STC1: variants seen among roughly 807,000 people sequenced by gnomAD.
STC1 encodes the protein stanniocalcin-1.
In STC1, 7 loss-of-function variants were observed where a neutral mutation model predicts 22.6. That is an observed-to-expected ratio of 0.31 (90% CI 0.18 to 0.58). STC1 has a LOEUF of 0.58. STC1 is among the 20% of genes least tolerant of loss of function. The probability of loss-of-function intolerance (pLI) is 0.89; values close to 1 mark genes in which losing one functional copy is unlikely to be tolerated. For missense variants in STC1, 224 were observed against 311.0 expected (o/e 0.72, Z 2.10); for synonymous variants, 113 against 120.7 (o/e 0.94, Z 0.42).
In STC1 at chr8:23,854,719, C is replaced by G. The variant is rs879098062; in HGVS notation, c.-196G>C. The G allele has an allele frequency of 3.0e-6, 2 of 669,422 alleles. No individual in the cohort carries two copies. Among genetic ancestry groups the G allele is most frequent in the East Asian group, 2.8e-5 (1 of 35,306 alleles). 41.5% of individuals were successfully genotyped at this position (669,422 alleles called of 1,614,324 possible). A position where few individuals can be genotyped will look rare whatever the true frequency, so the allele number is the denominator to read the frequency against. The stretch of plus-strand genomic sequence containing the variant: ...ACCGGTGCCTCCGCTGCTGCTGCTG[C>G]TGCCGCCGCTGCTGCTGCTGCTGCC... On this transcript the variant is annotated 5_prime_UTR_variant, in exon 1 of 4. Coordinates refer to ENST00000290271, the MANE Select transcript of STC1 (RefSeq NM_003155.3).
intron 3 of STC1, among the ~76,000 whole-genome samples, chr8:23,845,568 G>A (rs931685291): frequency 5.3e-5 from 8 of 152,018 alleles, no homozygotes; most frequent in African/African-American, 1.7e-4. Flanking sequence ...GTGTGTGTGT[G>A]TGTGTATGCA....
chr8:23,845,207 T>C (rs553589142), intron 3 of STC1, among the ~76,000 whole-genome samples, 167 bp from the exon 4 acceptor site: 62 of 152,308 alleles, frequency 4.1e-4, no homozygotes, highest in African/African-American at 1.4e-3. Flanking sequence ...TTGTGCCATG[T>C]CACCCTAGTT....
rs560844298 is a variant in STC1, at chr8:23,842,579, G to A, written c.*2191C>T. 4.0e-5 allele frequency: 6 copies of A among 151,850 alleles called. No individual in the cohort carries two copies. The highest frequency in any genetic ancestry group is 1.5e-4 in the African/African-American group (6 of 41,310). The allele number at this position is 151,850 out of a possible 1,614,324, so 9.4% of individuals were successfully genotyped here. ...TAGGAATACTCATGAACTACTTGTCGCATTGGGGTCCTGGCTTAGTTGGGT... is the reference window on the plus strand; with the variant it reads ...TAGGAATACTCATGAACTACTTGTCACATTGGGGTCCTGGCTTAGTTGGGT... On this transcript the variant is annotated 3_prime_UTR_variant, in exon 4 of 4. Transcript: ENST00000290271.
chr8:23,848,096 G>A (rs928945010), intron 3 of STC1, among the ~76,000 whole-genome samples: 3 of 152,190 alleles, frequency 2.0e-5, no homozygotes, highest in African/African-American at 7.2e-5. Context: ...AGTTAGTCTA[G>A]TTAACCTCAG....
At chr8:23,845,611 A>G (rs1459313613) in intron 3 of STC1, among the ~76,000 whole-genome samples, 1 of 151,868 alleles carries the variant, frequency 6.6e-6, no homozygotes, top group Non-Finnish European at 1.5e-5. Context: ...ACTTCTGTCT[A>G]AGGCCCCCTC....
chr8:23,842,870 TGC>T lies in STC1; in HGVS notation c.*1898_*1899del. The stretch of plus-strand genomic sequence containing the variant: ...AAGGCAGCAATGTTTGTGCTGCTGC[TGC>T]TGCTGCTGGGTCTGCTGCAATTGCT... On this transcript the variant is annotated 3_prime_UTR_variant, in exon 4 of 4. Transcript: ENST00000290271. 1 of 155,950 alleles carries T rather than the reference TGC, an allele frequency of 6.4e-6. No homozygotes were observed. Among genetic ancestry groups the T allele is most frequent in the Non-Finnish European group, 1.4e-5 (1 of 70,062 alleles). 9.7% of individuals were successfully genotyped at this position (155,950 alleles called of 1,614,324 possible). A position where few individuals can be genotyped will look rare whatever the true frequency, so the allele number is the denominator to read the frequency against.
In STC1 at chr8:23,854,761, C is replaced by G; in HGVS notation, c.-238G>C. The stretch of plus-strand genomic sequence containing the variant: ...GCTGCTGCCACCGCCGCTGCTGCTG[C>G]TGCTGCTGCAGTCGCTGCTTCTTGC... On this transcript the variant is annotated 5_prime_UTR_variant, in exon 1 of 4. Transcript: ENST00000290271. 1.6e-6 allele frequency: 1 copy of G among 625,646 alleles called. No homozygotes were observed. 38.8% of individuals were successfully genotyped at this position (625,646 alleles called of 1,614,324 possible).
At chr8:23,849,136 A>C (rs1802607205) in intron 3 of STC1, among the ~76,000 whole-genome samples, 1 of 152,132 alleles carries the variant, frequency 6.6e-6, no homozygotes, top group African/African-American at 2.4e-5. Flanking sequence ...CCCAAATCTC[A>C]TGCTAGATAA....
chr8:23,853,061 AAG>A (rs1456351084), intron 1 of STC1, among the ~76,000 whole-genome samples: 3 of 152,146 alleles, frequency 2.0e-5, no homozygotes, highest in Non-Finnish European at 4.4e-5. Context: ...GAAAGAAAGA[AAG>A]AAGAAACACA....
chr8:23,845,953 G>C (rs1236915524), intron 3 of STC1, among the ~76,000 whole-genome samples: 1 of 152,150 alleles, frequency 6.6e-6, no homozygotes, highest in Non-Finnish European at 1.5e-5. Context: ...TAGACTGTAA[G>C]CTTACTGAAG....
At chr8:23,846,884 T>G (rs1022734354) in intron 3 of STC1, among the ~76,000 whole-genome samples, 13 of 150,216 alleles carry the variant, frequency 8.7e-5, no homozygotes, top group Non-Finnish European at 1.8e-4. Context: ...AATAAACAAC[T>G]TTGCACCAGC....
chr8:23,845,116 T>A, intron 3 of STC1, 76 bp from the exon 4 acceptor site: 1 of 1,504,466 alleles, frequency 6.6e-7, no homozygotes, highest in Non-Finnish European at 9.1e-7. Context: ...ACCCGGGCTC[T>A]AGCCAACACG....
intron 3 of STC1, among the ~76,000 whole-genome samples, chr8:23,846,562 C>A (rs1802575961): frequency 6.6e-6 from 1 of 152,154 alleles, no homozygotes; most frequent in Non-Finnish European, 1.5e-5. Flanking sequence ...ATAACTTAAT[C>A]CCCCAGAGAG....
At chr8:23,845,301 G>A (rs1802559373) in intron 3 of STC1, among the ~76,000 whole-genome samples, 1 of 152,126 alleles carries the variant, frequency 6.6e-6, no homozygotes, top group Non-Finnish European at 1.5e-5. Context: ...ATCACACTTT[G>A]AAGAGCAGGC....
chr8:23,848,207 C>T (rs1442915581), intron 3 of STC1, among the ~76,000 whole-genome samples: 1 of 152,144 alleles, frequency 6.6e-6, no homozygotes, highest in Non-Finnish European at 1.5e-5. Flanking sequence ...ACATCCCCTC[C>T]TTTGCAGTGG....
At chr8:23,854,325 G>A (rs1802672846) in intron 1 of STC1, 81 bp downstream of exon 1, 13 of 1,275,538 alleles carry the variant, frequency 1.0e-5, no homozygotes, top group Admixed American at 1.8e-5. Context: ...AAGATCAGCC[G>A]TCACAGACAC....
At chr8:23,847,023 G>A (rs1358121879) in intron 3 of STC1, among the ~76,000 whole-genome samples, 1 of 152,162 alleles carries the variant, frequency 6.6e-6, no homozygotes. Flanking sequence ...GGTGGTTTCT[G>A]ATCTCCCATC....
intron 3 of STC1, among the ~76,000 whole-genome samples, chr8:23,850,649 C>T (rs966582095): frequency 8.5e-5 from 13 of 152,094 alleles, no homozygotes; most frequent in African/African-American, 1.2e-4. Context: ...TGTTTGAATA[C>T]TAAGATGAGA....
intron 3 of STC1, 88 bp downstream of exon 3, chr8:23,851,232 C>T (rs922781860): frequency 6.7e-5 from 84 of 1,261,396 alleles, no homozygotes; most frequent in Admixed American, 1.9e-4. Flanking sequence ...ATGACTGTGG[C>T]AATTTAACCC....
Sources: gnomAD v4.1 joint callset for allele counts (sites outside exome capture counted in the v4.1 genomes callset) on GRCh38, gnomAD v4.1.1 for gene constraint, MANE v1.5 for transcripts, NCBI Gene and HGNC (gene_info 2026-07-23, HGNC 2026-07-21) for gene names.